Variants in QSOX2 observed in about 807,000 individuals in gnomAD.
The protein encoded by QSOX2 is sulfhydryl oxidase 2.
Under a neutral mutation model 61.7 loss-of-function variants are expected in QSOX2, and 46 were observed. The observed-to-expected ratio is 0.75, with a 90% CI of 0.59 to 0.95. QSOX2 has a LOEUF of 0.95. Ranked by LOEUF, QSOX2 falls within the 40% of genes least tolerant of loss-of-function variation. The pLI is 0.00. For synonymous variants in QSOX2, 383 were observed against 388.4 expected (o/e 0.99, Z 0.16); for missense variants, 879 against 918.9 (o/e 0.96, Z 0.56).
In QSOX2 at chr9:136,221,081, G is replaced by C. The variant is rs1478416652; in HGVS notation, c.821+715C>G. Reference sequence around the variant, plus strand: ...AGGCAAAGGGCTTATCCTCATGAGGGGCACACAGGCACTCCACACAGAGGC... The same window carrying C: ...AGGCAAAGGGCTTATCCTCATGAGGCGCACACAGGCACTCCACACAGAGGC... On this transcript the variant is annotated intron_variant, in intron 6 of 11. Transcript: ENST00000358701. The surrounding 1 kb of genome is among the most constrained non-coding windows in gnomAD (Gnocchi z 4.5). Among the ~76,000 whole-genome samples, 1 of 150,146 alleles carries C rather than the reference G, an allele frequency of 6.7e-6. No individual in the cohort carries two copies. The highest frequency in any genetic ancestry group is 2.0e-4 in the East Asian group (1 of 4,998).
At chr9:136,227,847 C>T (rs56679877) in intron 1 of QSOX2, among the ~76,000 whole-genome samples, 2,562 of 152,114 alleles carry the variant, frequency 0.017, 66 homozygotes, top group African/African-American at 0.058. Flanking sequence ...GCGTTGGTGG[C>T]GCACACCTGC....
chr9:136,214,949 G>C (rs1023590175), intron 10 of QSOX2, among the ~76,000 whole-genome samples: 4 of 152,228 alleles, frequency 2.6e-5, no homozygotes, highest in Admixed American at 6.5e-5. Flanking sequence ...ATCCTTGCGA[G>C]TTCTGACAAG....
intron 3 of QSOX2, 119 bp from the exon 4 acceptor site, chr9:136,224,231 G>T: frequency 1.4e-6 from 1 of 725,042 alleles, no homozygotes; most frequent in Non-Finnish European, 2.3e-6. Context: ...GGTGCAGGTG[G>T]CAGCAACATG....
intron 2 of QSOX2, among the ~76,000 whole-genome samples, chr9:136,225,293 G>A (rs1830268878): frequency 6.6e-6 from 1 of 152,226 alleles, no homozygotes; most frequent in South Asian, 2.1e-4. Flanking sequence ...AGGAGGAGGA[G>A]ACACCACGCA....
At chr9:136,238,613 C>A (rs79032932) in intron 1 of QSOX2, among the ~76,000 whole-genome samples, 1 of 152,182 alleles carries the variant, frequency 6.6e-6, no homozygotes, top group Non-Finnish European at 1.5e-5. Flanking sequence ...GCCCCTCAGG[C>A]CCCAGCTGCC....
intron 1 of QSOX2, among the ~76,000 whole-genome samples, chr9:136,233,090 G>C (rs1455427959): frequency 6.6e-6 from 1 of 152,250 alleles, no homozygotes; most frequent in African/African-American, 2.4e-5. Context: ...GGGAGAGGCT[G>C]ACTCTGCTGT....
At position 136,223,338 on chromosome 9, in the gene QSOX2, G is replaced by A. The variant is rs1297734826; in HGVS notation, c.675+425C>T. Among the ~76,000 whole-genome samples, 1 of 152,218 alleles carries A rather than the reference G, an allele frequency of 6.6e-6. No individual in the cohort carries two copies. Among genetic ancestry groups the A allele is most frequent in the Non-Finnish European group, 1.5e-5 (1 of 68,030 alleles). On this transcript the variant is annotated intron_variant, in intron 5 of 11. Transcript: ENST00000358701. The surrounding 1 kb of genome is among the most constrained non-coding windows in gnomAD (Gnocchi z 4.4). The stretch of plus-strand genomic sequence containing the variant: ...TCAGAACTGTACGTGTGAAATCAAA[G>A]TATGACGATAGAAACGACGTTTTAC...
intron 10 of QSOX2, among the ~76,000 whole-genome samples, chr9:136,213,115 G>A (rs375761446): frequency 1.3e-5 from 2 of 152,242 alleles, no homozygotes; most frequent in South Asian, 2.1e-4. Flanking sequence ...TCATGCCTGC[G>A]TGTGCCCGTG....
At chr9:136,240,454 T>C (rs7021398) in intron 1 of QSOX2, among the ~76,000 whole-genome samples, 9,764 of 152,150 alleles carry the variant, frequency 0.064, 978 homozygotes, top group African/African-American at 0.22. Flanking sequence ...ACTAGGGAGC[T>C]GTGTTTAAGG....
chr9:136,234,769 C>A (rs145168116), intron 1 of QSOX2, among the ~76,000 whole-genome samples: 2 of 141,278 alleles, frequency 1.4e-5, no homozygotes, highest in African/African-American at 6.0e-5. Flanking sequence ...AGCTCCACTG[C>A]GCCCGCCCCA....
chr9:136,224,837 A>G (rs1345775410), intron 3 of QSOX2, 24 bp downstream of exon 3: 2 of 1,540,550 alleles, frequency 1.3e-6, no homozygotes, highest in East Asian at 2.3e-5. Flanking sequence ...CTCAGGGACT[A>G]AAATACAATG....
chr9:136,224,649 C>A (rs1455917730), intron 3 of QSOX2, among the ~76,000 whole-genome samples: 2 of 152,170 alleles, frequency 1.3e-5, no homozygotes, highest in African/African-American at 4.8e-5. Context: ...AAAGTTTTTA[C>A]TACAATATTT....
At chr9:136,237,643 T>C (rs1394152616) in intron 1 of QSOX2, among the ~76,000 whole-genome samples, 8 of 135,306 alleles carry the variant, frequency 5.9e-5, no homozygotes, top group African/African-American at 2.3e-4. Context: ...GCCCGTCCTG[T>C]GCCATACCTG....
intron 10 of QSOX2, 89 bp from the exon 11 acceptor site, chr9:136,211,541 T>G: frequency 7.3e-7 from 1 of 1,364,868 alleles, no homozygotes; most frequent in Non-Finnish European, 1.0e-6. Context: ...GGGAAACCGC[T>G]CCTGACATGT....
intron 1 of QSOX2, among the ~76,000 whole-genome samples, chr9:136,234,271 T>C (rs1309704632): frequency 6.6e-6 from 1 of 152,266 alleles, no homozygotes; most frequent in African/African-American, 2.4e-5. Flanking sequence ...ATCGACCGTT[T>C]GTCACTGGTA....
chr9:136,218,550 G>C, intron 8 of QSOX2, 129 bp downstream of exon 8: 1 of 1,149,422 alleles, frequency 8.7e-7, no homozygotes. Flanking sequence ...CGTGGGCCTG[G>C]GCGACAAAGC....
chr9:136,228,615 C>A (rs532697978), intron 1 of QSOX2, among the ~76,000 whole-genome samples: 2 of 152,172 alleles, frequency 1.3e-5, no homozygotes, highest in African/African-American at 4.8e-5. Flanking sequence ...TCAGCAGAGT[C>A]GGCAGTGTGG....
Position 136,241,602 on chromosome 9 carries a change from A to C in QSOX2, c.328+3874T>G, listed in dbSNP as rs367552605. 3.9e-5 allele frequency among the ~76,000 whole-genome samples: 6 copies of C among 152,062 alleles called. No individual in the cohort carries two copies. In the South Asian group the frequency reaches 6.2e-4, roughly 16 times the overall value. ...GAACTGCCATGGCTCCAGGTCACCC[A>C]CACCTGGACACCCATCCCGGCCTGT... On this transcript the variant is annotated intron_variant, in intron 1 of 11. Transcript: ENST00000358701.
Position 136,222,705 on chromosome 9 carries a change from C to T in QSOX2, c.676-764G>A, listed in dbSNP as rs1403930232. Among the ~76,000 whole-genome samples the T allele has an allele frequency of 6.6e-6, 1 of 152,208 alleles. No individual in the cohort carries two copies. On this transcript the variant is annotated intron_variant, in intron 5 of 11. Transcript: ENST00000358701. The surrounding 1 kb of genome is among the most constrained non-coding windows in gnomAD (Gnocchi z 6.9). ...AGCACTCCTCCTGCACGAGTGGAGC[C>T]TGGCTGCCCCGAACGCACCAGCATG...
Sources: gnomAD v4.1 joint callset for allele counts (sites outside exome capture counted in the v4.1 genomes callset) on GRCh38, gnomAD v4.1.1 for gene constraint, Gnocchi (gnomAD v3.1) non-coding constraint, MANE v1.5 for transcripts, NCBI Gene and HGNC (gene_info 2026-07-23, HGNC 2026-07-21) for gene names.